Variants in NCOA7 observed in about 807,000 individuals in gnomAD.
NCOA7 encodes nuclear receptor coactivator 7, also known as 140 kDa estrogen receptor-associated protein.
NCOA7 carries 45 observed loss-of-function variants against 104.3 expected under a neutral mutation model. The observed-to-expected ratio is 0.43, with a 90% CI of 0.34 to 0.55. The LOEUF (loss-of-function observed/expected upper bound fraction) is 0.55. NCOA7 is among the 20% of genes least tolerant of loss of function. The probability of loss-of-function intolerance (pLI) is 0.02; values close to 1 mark genes in which losing one functional copy is unlikely to be tolerated. For synonymous variants in NCOA7, 398 were observed against 402.3 expected (o/e 0.99, Z 0.13); for missense variants, 1,041 against 1,119.7 (o/e 0.93, Z 1.00).
intron 3 of NCOA7, among the ~76,000 whole-genome samples, chr6:125,864,303 G>T (rs535304763): frequency 4.4e-5 from 6 of 137,678 alleles, no homozygotes; most frequent in Non-Finnish European, 7.7e-5. Context: ...GTTGACAATA[G>T]TTACTGATTA....
At chr6:125,926,126 C>T (rs190277343) in intron 13 of NCOA7, among the ~76,000 whole-genome samples, 47 of 152,126 alleles carry the variant, frequency 3.1e-4, no homozygotes, top group South Asian at 6.2e-4. Flanking sequence ...GCCTGACCAA[C>T]GTGGTGAAAC....
chr6:125,805,658 G>A (rs1439906055), intron 1 of NCOA7, among the ~76,000 whole-genome samples: 1 of 152,212 alleles, frequency 6.6e-6, no homozygotes, highest in Non-Finnish European at 1.5e-5. Flanking sequence ...ACCAAGCAGT[G>A]TGTGTAACAG....
chr6:125,926,323 A>G (rs1229150037), intron 13 of NCOA7, among the ~76,000 whole-genome samples: 2 of 151,794 alleles, frequency 1.3e-5, no homozygotes, highest in Non-Finnish European at 2.9e-5. Context: ...AAAAAAAAAA[A>G]AGGGAGGGGG....
chr6:125,918,679 G>A (rs1008514345), intron 11 of NCOA7, among the ~76,000 whole-genome samples: 2 of 152,164 alleles, frequency 1.3e-5, no homozygotes, highest in Non-Finnish European at 2.9e-5. Flanking sequence ...AAAAAGATAA[G>A]TATTACTCTG....
At chr6:125,886,163 T>TG (rs1285422024) in intron 8 of NCOA7, among the ~76,000 whole-genome samples, 1 of 94,740 alleles carries the variant, frequency 1.1e-5, no homozygotes, top group African/African-American at 6.3e-5. Flanking sequence ...GGGGCTTATA[T>TG]GAAAAAAAAA....
chr6:125,793,035 A>G (rs912966425), intron 1 of NCOA7, among the ~76,000 whole-genome samples: 1 of 152,208 alleles, frequency 6.6e-6, no homozygotes, highest in East Asian at 1.9e-4. Flanking sequence ...GGTAGGCCAT[A>G]CTTTATTACT....
At chr6:125,830,058 A>G (rs1446187810) in intron 2 of NCOA7, among the ~76,000 whole-genome samples, 2 of 152,214 alleles carry the variant, frequency 1.3e-5, no homozygotes, top group Admixed American at 6.5e-5. Context: ...AGCTATAACA[A>G]TGTCTCAAGG....
chr6:125,919,165 C>T, intron 11 of NCOA7: 1 of 1,414,046 alleles, frequency 7.1e-7, no homozygotes, highest in Non-Finnish European at 9.5e-7. Context: ...GCTCTAAATC[C>T]TAATTTGGGT....
intron 1 of NCOA7, among the ~76,000 whole-genome samples, chr6:125,791,770 C>G (rs1248815057): frequency 6.6e-6 from 1 of 152,182 alleles, no homozygotes; most frequent in Admixed American, 6.5e-5. Flanking sequence ...TGTACCGGGT[C>G]AGCCAGCAGA....
chr6:125,889,708 G>C lies in NCOA7; in HGVS notation c.1654G>C (p.Glu552Gln), dbSNP rs199688950. Residue 552 changes from glutamate (E) to glutamine (Q), a missense_variant, in exon 9 of 16, where the codon GAA becomes CAA. Coordinates refer to ENST00000392477, the MANE Select transcript of NCOA7 (RefSeq NM_181782.5). ...AGAATTAAGTGATGGAAAAAGTATT[G>C]AACCAGGGGGAATAGACATTACCCT... The part of the protein sequence containing the change: ...KTELSDGKSI[E>Q]PGGIDITLSS... 1.9e-6 allele frequency: 3 copies of C among 1,614,022 alleles called. No individual in the cohort carries two copies. The highest frequency in any genetic ancestry group is 4.5e-5 in the East Asian group (2 of 44,852).
At chr6:125,865,181 C>A (rs1782345422) in intron 3 of NCOA7, among the ~76,000 whole-genome samples, 2 of 138,696 alleles carry the variant, frequency 1.4e-5, no homozygotes, top group Non-Finnish European at 3.1e-5. Context: ...GGCTAGCATG[C>A]AGCCAGGATT....
chr6:125,855,743 G>T lies in NCOA7; in HGVS notation c.271+503G>T, dbSNP rs561906222. Among the ~76,000 whole-genome samples, 3 of 152,022 alleles carry T rather than the reference G, an allele frequency of 2.0e-5. No homozygotes were observed. In the East Asian group the frequency reaches 5.8e-4, roughly 29 times the overall value. ...CTGTCCCCTAGGCTGGTGTGCAATG[G>T]CATGATCTCGGCTCACTGCAACCTC... On this transcript the variant is annotated intron_variant, in intron 3 of 15. Coordinates refer to ENST00000392477, the MANE Select transcript of NCOA7 (RefSeq NM_181782.5).
intron 10 of NCOA7, among the ~76,000 whole-genome samples, chr6:125,895,532 G>A (rs12210886): frequency 1.3e-5 from 2 of 152,232 alleles, no homozygotes; most frequent in Admixed American, 6.5e-5. Flanking sequence ...CACATCATGT[G>A]CTGCGTTAGG....
chr6:125,871,335 C>T (rs977855280), intron 3 of NCOA7, among the ~76,000 whole-genome samples: 30 of 152,160 alleles, frequency 2.0e-4, no homozygotes, highest in Admixed American at 1.9e-3. Flanking sequence ...GCTCATGCCT[C>T]GTCCTAGATC....
rs2456111 is a variant in NCOA7, at chr6:125,874,284, C to T, written c.272-605C>T. Among the ~76,000 whole-genome samples the T allele has an allele frequency of 3.8e-3, 584 of 152,262 alleles. 2 individuals are homozygous for T. Among genetic ancestry groups the T allele is most frequent in the Non-Finnish European group, 4.6e-3 (316 of 68,014 alleles). On this transcript the variant is annotated intron_variant, in intron 3 of 15. Coordinates refer to ENST00000392477, the MANE Select transcript of NCOA7 (RefSeq NM_181782.5). ...AGGTTGCAGTGAGCCGAGATCGTGC[C>T]GCTGCACTCCAGCCTGGGTGACAGA...
At chr6:125,909,974 A>G (rs970989296) in intron 10 of NCOA7, among the ~76,000 whole-genome samples, 11 of 152,186 alleles carry the variant, frequency 7.2e-5, no homozygotes, top group African/African-American at 2.7e-4. Flanking sequence ...GGAAGACTGG[A>G]GAGACTAATG....
In NCOA7 at chr6:125,919,094, G is replaced by A. The variant is rs73773324; in HGVS notation, c.2245-1849G>A. 2.3e-3 allele frequency: 1,330 copies of A among 566,746 alleles called. 11 individuals carry two copies. The highest frequency in any genetic ancestry group is 0.02 in the African/African-American group (1,035 of 53,042). The allele number at this position is 566,746 out of a possible 1,614,324, so 35.1% of individuals were successfully genotyped here. ...TTTATCATAGTGTTGGGAAACCACC[G>A]TTTCAAAGGTGAAAGTGTCCTTTTA... On this transcript the variant is annotated intron_variant, in intron 11 of 15. Coordinates refer to ENST00000392477, the MANE Select transcript of NCOA7 (RefSeq NM_181782.5).
chr6:125,810,549 T>G (rs1417497347), intron 1 of NCOA7, among the ~76,000 whole-genome samples: 1 of 152,160 alleles, frequency 6.6e-6, no homozygotes, highest in Non-Finnish European at 1.5e-5. Context: ...CTAGAGTGTA[T>G]TGAATGAAGG....
chr6:125,921,529 C>T (rs1036181193), intron 12 of NCOA7, among the ~76,000 whole-genome samples: 1 of 152,174 alleles, frequency 6.6e-6, no homozygotes, highest in Non-Finnish European at 1.5e-5. Context: ...CCCTGCTCTG[C>T]CTCTGAAAAG....
Sources: gnomAD v4.1 joint callset for allele counts (sites outside exome capture counted in the v4.1 genomes callset) on GRCh38, gnomAD v4.1.1 for gene constraint, MANE v1.5 for transcripts, NCBI Gene and HGNC (gene_info 2026-07-23, HGNC 2026-07-21) for gene names.